The following CCDC181 variants were observed in gnomAD, a reference collection of about 807,000 sequenced individuals.
The protein encoded by CCDC181 is coiled-coil domain containing 181.
Under a neutral mutation model 58.7 loss-of-function variants are expected in CCDC181, and 35 were observed. That is an observed-to-expected ratio of 0.60 (90% CI 0.46 to 0.79). CCDC181 has a LOEUF of 0.79. Among genes scored for constraint, CCDC181 ranks in the 30% least tolerant of loss-of-function variants. The probability of loss-of-function intolerance (pLI) is 0.00; values close to 1 mark genes in which losing one functional copy is unlikely to be tolerated. For synonymous variants in CCDC181, 183 were observed against 197.5 expected (o/e 0.93, Z 0.62); for missense variants, 517 against 583.9 (o/e 0.89, Z 1.18).
chr1:169,439,518 G>A (rs1557878242), intron 2 of CCDC181, among the ~76,000 whole-genome samples: 1 of 152,196 alleles, frequency 6.6e-6, no homozygotes, highest in Admixed American at 6.5e-5. Flanking sequence ...ACAGGATGGG[G>A]AGCATGCAGA....
chr1:169,395,605 A>C (rs1012367679), intron 5 of CCDC181, among the ~76,000 whole-genome samples: 1 of 152,224 alleles, frequency 6.6e-6, no homozygotes, highest in Non-Finnish European at 1.5e-5. Flanking sequence ...TAAGAATACT[A>C]TCATGCAGAA....
chr1:169,460,623 C>G (rs1214237285), exon 1 of CCDC181: 1 of 152,414 alleles, frequency 6.6e-6, no homozygotes, highest in African/African-American at 2.4e-5. Context: ...GCCGGGAGAT[C>G]GGGCTCCAGG....
At chr1:169,452,737 T>A (rs1571520267) in intron 2 of CCDC181, 1 of 152,300 alleles carries the variant, frequency 6.6e-6, no homozygotes, top group East Asian at 1.9e-4. Flanking sequence ...CTGCAGACAC[T>A]TCTGGATTCT....
chr1:169,414,525 C>A (rs1346013687), intron 4 of CCDC181, among the ~76,000 whole-genome samples: 1 of 152,050 alleles, frequency 6.6e-6, no homozygotes, highest in African/African-American at 2.4e-5. Flanking sequence ...TATACAAGTA[C>A]CCATGGACGG....
intron 2 of CCDC181, among the ~76,000 whole-genome samples, chr1:169,459,506 G>A (rs767254504): frequency 6.6e-6 from 1 of 152,050 alleles, no homozygotes; most frequent in Non-Finnish European, 1.5e-5. Context: ...CATGACTTAC[G>A]GGTAAGCATA....
chr1:169,404,433 C>G (rs1655535732), intron 4 of CCDC181, among the ~76,000 whole-genome samples: 1 of 152,186 alleles, frequency 6.6e-6, no homozygotes, highest in Non-Finnish European at 1.5e-5. Flanking sequence ...CAAACCAAAT[C>G]CAGCAGCACA....
intron 3 of CCDC181, among the ~76,000 whole-genome samples, chr1:169,420,541 A>G (rs976986829): frequency 6.6e-6 from 1 of 152,174 alleles, no homozygotes; most frequent in Admixed American, 6.5e-5. Context: ...GCTACTAACA[A>G]GTACAGATAT....
chr1:169,397,397 T>A lies in CCDC181; in HGVS notation c.1216-6A>T. The stretch of plus-strand genomic sequence containing the variant: ...TGTGGATCTCTGTTTTCCTGCTGAT[T>A]AGAAAAACAAGCTTTACTTAGTTTA... On this transcript the variant is annotated splice_polypyrimidine_tract_variant and splice_region_variant and intron_variant, in intron 4 of 5. Transcript: ENST00000367806. 1.3e-6 allele frequency: 2 copies of A among 1,595,764 alleles called. No homozygotes were observed. Among genetic ancestry groups the A allele is most frequent in the South Asian group, 1.1e-5 (1 of 87,646 alleles).
chr1:169,432,160 A>G (rs1480769420), upstream of CCDC181, among the ~76,000 whole-genome samples: 1 of 152,128 alleles, frequency 6.6e-6, no homozygotes, highest in African/African-American at 2.4e-5. Context: ...AAAACTAAAA[A>G]AGAAATCAAA....
chr1:169,416,386 C>G (rs1656216253), intron 4 of CCDC181, among the ~76,000 whole-genome samples: 1 of 152,086 alleles, frequency 6.6e-6, no homozygotes, highest in African/African-American at 2.4e-5. Context: ...ATGTTTTTTT[C>G]CGATAGGAGC....
intron 2 of CCDC181, among the ~76,000 whole-genome samples, chr1:169,441,491 T>C (rs565522217): frequency 3.3e-5 from 5 of 152,220 alleles, no homozygotes; most frequent in African/African-American, 1.2e-4. Flanking sequence ...TGCAATTTTA[T>C]AGAATACAGC....
At chr1:169,414,882 A>G (rs1415561830) in intron 4 of CCDC181, among the ~76,000 whole-genome samples, 1 of 152,202 alleles carries the variant, frequency 6.6e-6, no homozygotes, top group African/African-American at 2.4e-5. Context: ...AGTAGAGACA[A>G]AGCTCATAAA....
chr1:169,446,466 A>T (rs1042939329), intron 2 of CCDC181, among the ~76,000 whole-genome samples: 1 of 151,996 alleles, frequency 6.6e-6, no homozygotes, highest in Non-Finnish European at 1.5e-5. Flanking sequence ...TAAGTAAATA[A>T]ATTGCCCTTC....
At chr1:169,458,169 A>ATTTTTTTTTTTTTTTTTTTTTTTTTT (rs1397141241) in intron 2 of CCDC181, among the ~76,000 whole-genome samples, 1 of 110,166 alleles carries the variant, frequency 9.1e-6, no homozygotes, top group African/African-American at 3.5e-5. Flanking sequence ...GGCAAAAGTA[A>ATTTTTTTTTTTTTTTTTTTTTTTTTT]TTTTTGTTTT....
chr1:169,440,912 G>GAAAAAA, intron 2 of CCDC181, among the ~76,000 whole-genome samples: 1 of 97,722 alleles, frequency 1.0e-5, no homozygotes, highest in Non-Finnish European at 2.0e-5. Context: ...TCCAGCCCAG[G>GAAAAAA]CAACAGAGCA....
intron 4 of CCDC181, among the ~76,000 whole-genome samples, chr1:169,400,308 T>C (rs963255304): frequency 6.6e-6 from 1 of 152,092 alleles, no homozygotes; most frequent in Non-Finnish European, 1.5e-5. Context: ...TAAAACAAAG[T>C]CTGACAGGAT....
intron 2 of CCDC181, among the ~76,000 whole-genome samples, chr1:169,452,279 T>A (rs58860567): frequency 0.03 from 4,584 of 152,092 alleles, 203 homozygotes; most frequent in African/African-American, 0.1. Context: ...GAAGAACATG[T>A]TTCAATAAAA....
intron 2 of CCDC181, among the ~76,000 whole-genome samples, chr1:169,449,898 G>A (rs1414022321): frequency 6.6e-6 from 1 of 152,120 alleles, no homozygotes; most frequent in Non-Finnish European, 1.5e-5. Flanking sequence ...TCAATACTTT[G>A]CATCCTTCAG....
intron 2 of CCDC181, among the ~76,000 whole-genome samples, chr1:169,423,118 TCTATGGGAG>T (rs1656560350): frequency 6.7e-6 from 1 of 150,338 alleles, no homozygotes; most frequent in African/African-American, 2.4e-5. Flanking sequence ...CTAAAGCAGT[TCTATGGGAG>T]CTACTACATG....
Sources: allele counts gnomAD v4.1 joint callset (sites outside exome capture counted in the v4.1 genomes callset), GRCh38; gene constraint gnomAD v4.1.1; transcripts MANE v1.5; gene names NCBI Gene and HGNC (gene_info 2026-07-23, HGNC 2026-07-21).